The following CACNA1C variants were observed in gnomAD, a reference collection of about 807,000 sequenced individuals.
CACNA1C encodes the protein voltage-dependent L-type calcium channel subunit alpha-1C.
CACNA1C carries 30 observed loss-of-function variants against 229.0 expected under a neutral mutation model. That is an observed-to-expected ratio of 0.13 (90% CI 0.10 to 0.18). The LOEUF is 0.18. Among genes scored for constraint, CACNA1C ranks in the 10% least tolerant of loss-of-function variants. The pLI, the probability that CACNA1C is intolerant of heterozygous loss-of-function variation, is 1.00. For missense variants in CACNA1C, 1,658 were observed against 2,845.0 expected (o/e 0.58, Z 9.49); for synonymous variants, 1,114 against 1,132.5 (o/e 0.98, Z 0.33).
Position 2,098,393 on chromosome 12 carries a change from G to A in CACNA1C, c.50-16831G>A, listed in dbSNP as rs148191543. Among the ~76,000 whole-genome samples the A allele has an allele frequency of 3.0e-4, 46 of 152,326 alleles. 1 individual carries two copies. In the East Asian group the frequency reaches 8.9e-3, roughly 29 times the overall value. On this transcript the variant is annotated intron_variant, in intron 1 of 46. Coordinates refer to ENST00000399655, the MANE Select transcript of CACNA1C (RefSeq NM_000719.7). ...GAAATAAGCTGATGCTGTTTCTTTT[G>A]TCGTGCCTTAGTGAGAATTAGAGAC...
At chr12:2,581,093 A>G (rs2060311629) in intron 13 of CACNA1C, among the ~76,000 whole-genome samples, 2 of 152,128 alleles carry the variant, frequency 1.3e-5, no homozygotes, top group Non-Finnish European at 2.9e-5. Flanking sequence ...ACTGGCATTC[A>G]TGGTGGGGGA....
intron 3 of CACNA1C, among the ~76,000 whole-genome samples, chr12:2,300,481 C>A (rs1353455493): frequency 6.6e-6 from 1 of 152,028 alleles, no homozygotes; most frequent in South Asian, 2.1e-4. Context: ...AAAAAATTAG[C>A]TGGGCGTGGT....
intron 3 of CACNA1C, among the ~76,000 whole-genome samples, chr12:2,273,330 T>A (rs1301933147): frequency 7.6e-4 from 116 of 152,368 alleles, no homozygotes; most frequent in African/African-American, 2.8e-3. Flanking sequence ...AAAAATTTTC[T>A]TTTCAAATAT....
chr12:2,196,875 G>A (rs2097421489), intron 3 of CACNA1C, among the ~76,000 whole-genome samples: 2 of 152,154 alleles, frequency 1.3e-5, no homozygotes, highest in South Asian at 4.1e-4. Context: ...ACTGCTCCTG[G>A]GCTCTTCAGA....
intron 3 of CACNA1C, among the ~76,000 whole-genome samples, chr12:2,180,508 C>T (rs2096802468): frequency 1.3e-5 from 2 of 152,230 alleles, no homozygotes; most frequent in Admixed American, 1.3e-4. Flanking sequence ...ATCTTCTCTG[C>T]TCAAAGATAT....
At chr12:2,145,474 G>T (rs2094615122) in intron 3 of CACNA1C, among the ~76,000 whole-genome samples, 1 of 151,112 alleles carries the variant, frequency 6.6e-6, no homozygotes, top group Admixed American at 6.7e-5. Context: ...GATTCCTTTA[G>T]ATTTGAAATC....
chr12:2,241,681 G>T (rs1372515097), intron 3 of CACNA1C, among the ~76,000 whole-genome samples: 1 of 152,166 alleles, frequency 6.6e-6, no homozygotes, highest in Non-Finnish European at 1.5e-5. Flanking sequence ...GTCACAGTCA[G>T]CTCTGCCTAT....
rs1261087804 is a variant in CACNA1C at position 1,972,958 on chromosome 12, C to A, written c.139+1757C>A. 2.0e-5 allele frequency among the ~76,000 whole-genome samples: 3 copies of A among 152,330 alleles called. No individual in the cohort carries two copies. The South Asian group carries it at 6.2e-4, about 32-fold the overall frequency. ...ATGACGCTGCCTGTGTGCTGGCATCCATAGATGGGAAACACAGGCTGCGTT... is the reference window on the plus strand; with the variant it reads ...ATGACGCTGCCTGTGTGCTGGCATCAATAGATGGGAAACACAGGCTGCGTT... On this transcript the variant is annotated intron_variant, in intron 1 of 46. Coordinates refer to the CACNA1C transcript ENST00000682462.
chr12:2,483,836 C>A (rs1039329237), intron 5 of CACNA1C, among the ~76,000 whole-genome samples: 4 of 152,188 alleles, frequency 2.6e-5, no homozygotes, highest in Non-Finnish European at 5.9e-5. Context: ...CCAGCCTGTT[C>A]AGTGGCCTCT....
chr12:2,692,013 G>GT lies in CACNA1C; in HGVS notation c.*817dup, dbSNP rs1370137688. 1 of 152,216 alleles carries GT rather than the reference G, an allele frequency of 6.6e-6. No homozygotes were observed. 9.4% of individuals were successfully genotyped at this position (152,216 alleles called of 1,614,324 possible). A position where few individuals can be genotyped will look rare whatever the true frequency, so the allele number is the denominator to read the frequency against. ...CCAGCGGGAGGGGAGGAAGAAGAGT[G>GT]TTTACAAAGTCCTGTAGCCCCCTCA... On this transcript the variant is annotated 3_prime_UTR_variant, in exon 47 of 47. Transcript: ENST00000399655.
At chr12:2,299,831 G>A (rs974370118) in intron 3 of CACNA1C, among the ~76,000 whole-genome samples, 12 of 151,996 alleles carry the variant, frequency 7.9e-5, no homozygotes, top group African/African-American at 2.7e-4. Context: ...CCCGGACAAG[G>A]CATTCAGCCT....
At chr12:2,245,408 C>T (rs143617605) in intron 3 of CACNA1C, among the ~76,000 whole-genome samples, 199 of 152,290 alleles carry the variant, frequency 1.3e-3, no homozygotes, top group Non-Finnish European at 2.1e-3. Flanking sequence ...CATGAGATCT[C>T]TGAGCAGTGT....
intron 1 of CACNA1C, among the ~76,000 whole-genome samples, chr12:2,019,595 G>GAA (rs2046065904): frequency 7.3e-6 from 1 of 137,782 alleles, no homozygotes; most frequent in Non-Finnish European, 1.6e-5. Flanking sequence ...GAGAAAGAAA[G>GAA]AGAAGGAAAG....
At chr12:2,468,663 C>T (rs992912762) in intron 5 of CACNA1C, among the ~76,000 whole-genome samples, 6 of 152,332 alleles carry the variant, frequency 3.9e-5, no homozygotes, top group Admixed American at 6.5e-5. Flanking sequence ...TGCCTGTTGC[C>T]TTATTTATGT....
intron 3 of CACNA1C, among the ~76,000 whole-genome samples, chr12:2,295,815 T>G (rs1185068774): frequency 6.6e-6 from 1 of 152,252 alleles, no homozygotes; most frequent in Non-Finnish European, 1.5e-5. Flanking sequence ...GTGGCAAATG[T>G]GGAAGTGGGC....
chr12:2,626,874 T>G (rs1314838930), intron 29 of CACNA1C, among the ~76,000 whole-genome samples: 1 of 152,182 alleles, frequency 6.6e-6, no homozygotes, highest in Non-Finnish European at 1.5e-5. Context: ...CTCTAGTAAG[T>G]GCTTATTATG....
intron 1 of CACNA1C, among the ~76,000 whole-genome samples, chr12:2,035,963 G>C (rs1213290254): frequency 6.6e-6 from 1 of 152,160 alleles, no homozygotes; most frequent in African/African-American, 2.4e-5. Context: ...TTCAGGGGAG[G>C]AGAGGATTCT....
chr12:2,032,149 G>A (rs977829396), intron 1 of CACNA1C, among the ~76,000 whole-genome samples: 3 of 152,100 alleles, frequency 2.0e-5, no homozygotes, highest in African/African-American at 7.2e-5. Flanking sequence ...AACCGGAGGG[G>A]GCGGGCATGC....
chr12:2,039,078 C>G (rs552012329), intron 1 of CACNA1C, among the ~76,000 whole-genome samples: 1 of 152,314 alleles, frequency 6.6e-6, no homozygotes, highest in South Asian at 2.1e-4. Flanking sequence ...GAATATTGGT[C>G]TATGAGGCCA....
Sources: allele counts gnomAD v4.1 joint callset (sites outside exome capture counted in the v4.1 genomes callset), GRCh38; gene constraint gnomAD v4.1.1; transcripts MANE v1.5; gene names NCBI Gene and HGNC (gene_info 2026-07-23, HGNC 2026-07-21).